LAMA3: variants seen among roughly 807,000 people sequenced by gnomAD.
The protein encoded by LAMA3 is laminin subunit alpha 3.
A neutral mutation model predicts 402.0 loss-of-function variants in LAMA3; 281 were observed. That is an observed-to-expected ratio of 0.70 (90% CI 0.63 to 0.77). LAMA3 has a LOEUF of 0.77. LAMA3 is among the 30% of genes least tolerant of loss of function. The probability of loss-of-function intolerance (pLI) is 0.00; values close to 1 mark genes in which losing one functional copy is unlikely to be tolerated. For synonymous variants in LAMA3, 1,431 were observed against 1,558.4 expected (o/e 0.92, Z 1.93); for missense variants, 3,840 against 4,215.5 (o/e 0.91, Z 2.47).
chr18:23,915,490 T>C lies in LAMA3; in HGVS notation c.7778+68T>C, dbSNP rs1294049999. On this transcript the variant is annotated intron_variant, in intron 59 of 74. Coordinates refer to ENST00000313654, the MANE Select transcript of LAMA3 (RefSeq NM_198129.4). ...TGGTAACTTGCAGTACTTTTACATATGATAAAGGATGGGCCAGTGAGATGC... is the reference window on the plus strand; with the variant it reads ...TGGTAACTTGCAGTACTTTTACATACGATAAAGGATGGGCCAGTGAGATGC... The C allele has an allele frequency of 4.2e-6, 6 of 1,427,460 alleles. No individual in the cohort carries two copies. In the Admixed American group the frequency reaches 6.7e-5, roughly 16 times the overall value. The allele number at this position is 1,427,460 out of a possible 1,614,324, so 88.4% of individuals were successfully genotyped here.
chr18:23,843,706 A>T (rs2063754559), intron 29 of LAMA3, among the ~76,000 whole-genome samples: 1 of 152,024 alleles, frequency 6.6e-6, no homozygotes, highest in African/African-American at 2.4e-5. Context: ...CACTCCATGT[A>T]TTTCCCTAGG....
Position 23,918,717 on chromosome 18 carries a change from T to G in LAMA3, c.7923+2022T>G, listed in dbSNP as rs1446699718. Among the ~76,000 whole-genome samples, 1 of 152,220 alleles carries G rather than the reference T, an allele frequency of 6.6e-6. No homozygotes were observed. The highest frequency in any genetic ancestry group is 1.5e-5 in the Non-Finnish European group (1 of 68,038). On this transcript the variant is annotated intron_variant, in intron 60 of 74. Transcript: ENST00000313654. The surrounding 1 kb of genome is among the most constrained non-coding windows in gnomAD (Gnocchi z 4.1). Reference sequence around the variant, plus strand: ...ACCCTCCGGTGAATAGGAGCTTCTGTAGTTGCTCTCACGGAGTATTTCTGA... The same window carrying G: ...ACCCTCCGGTGAATAGGAGCTTCTGGAGTTGCTCTCACGGAGTATTTCTGA...
chr18:23,739,237 G>A (rs781520281), intron 2 of LAMA3, among the ~76,000 whole-genome samples: 9 of 152,094 alleles, frequency 5.9e-5, no homozygotes, highest in South Asian at 2.1e-4. Context: ...CCCAGACCAC[G>A]GTACGACAAC....
At chr18:23,756,493 C>T (rs2061848213) in intron 6 of LAMA3, among the ~76,000 whole-genome samples, 1 of 144,558 alleles carries the variant, frequency 6.9e-6, no homozygotes. Flanking sequence ...CCCCACAACC[C>T]AAACCCAAAG....
At chr18:23,928,993 G>C (rs1253828029) in intron 64 of LAMA3, among the ~76,000 whole-genome samples, 1 of 152,206 alleles carries the variant, frequency 6.6e-6, no homozygotes, top group Non-Finnish European at 1.5e-5. Flanking sequence ...TTGCATTTGT[G>C]TGTACTCGCG....
intron 14 of LAMA3, 37 bp from the exon 15 acceptor site, chr18:23,814,366 C>T: frequency 7.0e-7 from 1 of 1,430,404 alleles, no homozygotes; most frequent in Non-Finnish European, 9.9e-7. Flanking sequence ...TGTCTTAATT[C>T]CAAGATGTCA....
chr18:23,817,962 T>C (rs2063210499), intron 18 of LAMA3, among the ~76,000 whole-genome samples: 1 of 152,130 alleles, frequency 6.6e-6, no homozygotes, highest in South Asian at 2.1e-4. Flanking sequence ...AAGACCAGCC[T>C]GGCCAACATG....
chr18:23,945,047 C>T (rs1296794818), intron 69 of LAMA3, among the ~76,000 whole-genome samples: 3 of 152,116 alleles, frequency 2.0e-5, no homozygotes, highest in Admixed American at 6.5e-5. Flanking sequence ...GCAGGAGAAT[C>T]GCTTGAACTC....
intron 20 of LAMA3, among the ~76,000 whole-genome samples, chr18:23,823,694 G>A (rs2063329531): frequency 6.6e-6 from 1 of 152,200 alleles, no homozygotes. Context: ...TAGAACAAGA[G>A]TGAACCCAAA....
chr18:23,718,592 G>C (rs974539548), intron 2 of LAMA3, among the ~76,000 whole-genome samples: 1 of 152,204 alleles, frequency 6.6e-6, no homozygotes, highest in Non-Finnish European at 1.5e-5. Flanking sequence ...GAGGAGAGAA[G>C]GTGACGTTGC....
intron 32 of LAMA3, 151 bp downstream of exon 32, chr18:23,847,819 A>G (rs2063854092): frequency 1.3e-6 from 1 of 756,634 alleles, no homozygotes; most frequent in Admixed American, 2.1e-5. Context: ...GATGGGTTGC[A>G]GTGGGTGGAG....
chr18:23,747,191 G>C (rs2061666903), intron 2 of LAMA3, among the ~76,000 whole-genome samples: 1 of 152,076 alleles, frequency 6.6e-6, no homozygotes, highest in South Asian at 2.1e-4. Flanking sequence ...TTGGGAAATA[G>C]GACCTCAGGG....
intron 50 of LAMA3, 91 bp from the exon 51 acceptor site, chr18:23,904,462 A>G (rs12019103): frequency 1.5e-6 from 2 of 1,351,796 alleles, no homozygotes; most frequent in East Asian, 5.0e-5. Context: ...AAGAAAGAAA[A>G]AATAAAAAGA....
intron 24 of LAMA3, among the ~76,000 whole-genome samples, chr18:23,836,543 G>A (rs2063585067): frequency 6.6e-6 from 1 of 152,194 alleles, no homozygotes; most frequent in Admixed American, 6.5e-5. Flanking sequence ...GAGTTTCAGA[G>A]GCAAACTCAG....
At chr18:23,928,051 CAGCGTT>C in intron 62 of LAMA3, 66 bp from the exon 63 acceptor site, 1 of 1,042,504 alleles carries the variant, frequency 9.6e-7, no homozygotes, top group Non-Finnish European at 1.5e-6. Context: ...CTAAAGAGCA[CAGCGTT>C]TCAGCTCTGA....
At chr18:23,823,208 A>T (rs1166326628) in intron 20 of LAMA3, among the ~76,000 whole-genome samples, 3 of 152,190 alleles carry the variant, frequency 2.0e-5, no homozygotes, top group Non-Finnish European at 4.4e-5. Flanking sequence ...TCATTCACAG[A>T]GTAATTTAGC....
At chr18:23,880,670 A>C (rs146853632) in intron 39 of LAMA3, among the ~76,000 whole-genome samples, 229 of 152,330 alleles carry the variant, frequency 1.5e-3, no homozygotes, top group African/African-American at 5.3e-3. Flanking sequence ...TGAAGTCAGG[A>C]ATTTGAGACC....
chr18:23,833,926 G>C lies in LAMA3; in HGVS notation c.2922G>C (p.Val974=), dbSNP rs1168965012. 5 of 1,614,080 alleles carry C rather than the reference G, an allele frequency of 3.1e-6. No homozygotes were observed. The African/African-American group carries it at 5.3e-5, about 17-fold the overall frequency. The part of the protein sequence containing the change: ...TEAAQLFVVD[V]NVKSSGSVLA... The stretch of plus-strand genomic sequence containing the variant: ...CAGCTCAGCTGTTTGTGGTTGATGT[G>C]AATGTGAAGAGCTCCGGGTCTGTTC... Residue 974 remains valine, a synonymous_variant, in exon 24 of 75, where the codon GTG becomes GTC. Transcript: ENST00000313654.
chr18:23,903,109 T>A lies in LAMA3; in HGVS notation c.6302T>A (p.Met2101Lys), dbSNP rs137925254. 90 of 1,605,296 alleles carry A rather than the reference T, an allele frequency of 5.6e-5. 1 individual carries two copies. The highest frequency in any genetic ancestry group is 7.5e-5 in the Non-Finnish European group (88 of 1,172,160). ...LLQTNIALQL[M>K]EKSQKEYEKL... ...CAAACCAACATTGCGCTGCAGCTGA[T>A]GGAGAAAAGCCAGAAGGTAGAGGAA... Residue 2101 changes from methionine (M) to lysine (K), a missense_variant, in exon 49 of 75, where the codon ATG becomes AAG. This residue lies in a region of LAMA3 where 891 missense variants were observed against 857.5 expected (regional missense o/e 1.04). Coordinates refer to ENST00000313654, the MANE Select transcript of LAMA3 (RefSeq NM_198129.4).
Sources: gnomAD v4.1 joint callset for allele counts (sites outside exome capture counted in the v4.1 genomes callset) on GRCh38, gnomAD v4.1.1 for gene constraint, gnomAD v4.1.1 regional missense constraint, Gnocchi (gnomAD v3.1) non-coding constraint, MANE v1.5 for transcripts, NCBI Gene and HGNC (gene_info 2026-07-23, HGNC 2026-07-21) for gene names.